AGFG1: variants seen among roughly 807,000 people sequenced by gnomAD.
AGFG1 encodes the protein arf-GAP domain and FG repeat-containing protein 1.
A neutral mutation model predicts 60.6 loss-of-function variants in AGFG1; 10 were observed. The ratio of observed to expected loss-of-function variants is 0.16; its 90% CI spans 0.10 to 0.28. The LOEUF (loss-of-function observed/expected upper bound fraction) is 0.28. Ranked by LOEUF, AGFG1 falls within the 10% of genes least tolerant of loss-of-function variation. The probability of loss-of-function intolerance (pLI) is 1.00; values close to 1 mark genes in which losing one functional copy is unlikely to be tolerated. For synonymous variants in AGFG1, 247 were observed against 242.9 expected, an observed-to-expected ratio of 1.02 and a Z score of -0.16; for missense variants, 537 against 676.5, an observed-to-expected ratio of 0.79 and a Z score of 2.29.
chr2:227,522,198 A>T (rs1024333354), intron 3 of AGFG1, among the ~76,000 whole-genome samples: 1 of 152,222 alleles, frequency 6.6e-6, no homozygotes, highest in Admixed American at 6.5e-5. Context: ...AAAATAGATT[A>T]AAATACACCA....
In AGFG1 at chr2:227,554,708, G is replaced by T; in HGVS notation, c.*213G>T. ...CTGTGAATTGGCAGAAAAGGGTAGC[G>T]GTATCATGTATATTAAAATTGGCTA... On this transcript the variant is annotated 3_prime_UTR_variant, in exon 13 of 13. Coordinates refer to ENST00000310078, the MANE Select transcript of AGFG1 (RefSeq NM_004504.5). 4.5e-6 allele frequency: 2 copies of T among 445,102 alleles called. No homozygotes were observed. Among genetic ancestry groups the T allele is most frequent in the Non-Finnish European group, 8.0e-6 (2 of 250,386 alleles). The allele number at this position is 445,102 out of a possible 1,614,324, so 27.6% of individuals were successfully genotyped here. A position where few individuals can be genotyped will look rare whatever the true frequency, so the allele number is the denominator to read the frequency against.
intron 3 of AGFG1, among the ~76,000 whole-genome samples, chr2:227,521,096 G>A (rs1031769810): frequency 1.3e-5 from 2 of 151,264 alleles, no homozygotes; most frequent in African/African-American, 4.9e-5. Flanking sequence ...ACTGAGTTTT[G>A]CTTTTGTCAC....
chr2:227,521,117 G>T (rs1352699309), intron 3 of AGFG1, among the ~76,000 whole-genome samples: 1 of 151,982 alleles, frequency 6.6e-6, no homozygotes, highest in African/African-American at 2.4e-5. Flanking sequence ...CTAGGCTGGA[G>T]TGCAATGGTG....
intron 3 of AGFG1, among the ~76,000 whole-genome samples, chr2:227,522,677 G>A (rs576036959): frequency 6.6e-6 from 1 of 152,172 alleles, no homozygotes; most frequent in South Asian, 2.1e-4. Flanking sequence ...CTTGTCTCTG[G>A]AACAGGTGCT....
chr2:227,526,374 A>G (rs1054151188), intron 5 of AGFG1, among the ~76,000 whole-genome samples: 1 of 146,700 alleles, frequency 6.8e-6, no homozygotes, highest in African/African-American at 2.6e-5. Context: ...TACAAATGTA[A>G]AATTTTGTAT....
At chr2:227,500,735 T>C (rs1039691901) in intron 2 of AGFG1, among the ~76,000 whole-genome samples, 3 of 152,208 alleles carry the variant, frequency 2.0e-5, no homozygotes, top group African/African-American at 7.2e-5. Context: ...TAGTTCACAT[T>C]ACTTGTATAA....
chr2:227,479,226 G>A (rs142064644), intron 1 of AGFG1, among the ~76,000 whole-genome samples: 20 of 152,308 alleles, frequency 1.3e-4, no homozygotes, highest in African/African-American at 4.3e-4. Flanking sequence ...GAAAACTCCA[G>A]CATTCAGGTT....
Position 227,549,975 on chromosome 2 carries a change from T to C in AGFG1, c.1379-1984T>C. 7.3e-6 allele frequency: 3 copies of C among 411,582 alleles called. 1 individual carries two copies. The highest frequency in any genetic ancestry group is 3.7e-5 in the South Asian group (2 of 54,754). The allele number at this position is 411,582 out of a possible 1,614,324, so 25.5% of individuals were successfully genotyped here. Reference sequence around the variant, plus strand: ...AACAGTACACTCGAATTTTATAACTTTTTAATGAAACAAGTATACTTTTAT... The same window carrying C: ...AACAGTACACTCGAATTTTATAACTCTTTAATGAAACAAGTATACTTTTAT... On this transcript the variant is annotated intron_variant, in intron 10 of 12. Transcript: ENST00000310078.
At position 227,523,752 on chromosome 2, in the gene AGFG1, A is replaced by G. The variant is rs771659381; in HGVS notation, c.378-11A>G. ...ATTTTTTTTTAGTTAACTGTTTTTTACATGTTTTAGGTATGTCCCGCCAGA... is the reference window on the plus strand; with the variant it reads ...ATTTTTTTTTAGTTAACTGTTTTTTGCATGTTTTAGGTATGTCCCGCCAGA... On this transcript the variant is annotated splice_polypyrimidine_tract_variant and intron_variant, in intron 3 of 12. Transcript: ENST00000310078. The G allele has an allele frequency of 6.3e-7, 1 of 1,592,448 alleles. No individual in the cohort carries two copies. Among genetic ancestry groups the G allele is most frequent in the East Asian group, 2.2e-5 (1 of 44,538 alleles).
chr2:227,554,572 GT>G lies in AGFG1; in HGVS notation c.*80del. ...TCTCCACCTCTTGCACTGTTGTCTTGTTTCACTGATCTTAGCTTTAAACACA... is the reference window on the plus strand; with the variant it reads ...TCTCCACCTCTTGCACTGTTGTCTTGTTCACTGATCTTAGCTTTAAACACA... On this transcript the variant is annotated 3_prime_UTR_variant, in exon 13 of 13. Transcript: ENST00000310078. The G allele has an allele frequency of 8.2e-7, 1 of 1,220,876 alleles. No individual in the cohort carries two copies. Among genetic ancestry groups the G allele is most frequent in the East Asian group, 2.4e-5 (1 of 42,250 alleles). The allele number at this position is 1,220,876 out of a possible 1,614,324, so 75.6% of individuals were successfully genotyped here. A position where few individuals can be genotyped will look rare whatever the true frequency, so the allele number is the denominator to read the frequency against.
intron 10 of AGFG1, among the ~76,000 whole-genome samples, chr2:227,545,227 C>A (rs1355966350): frequency 6.6e-6 from 1 of 152,132 alleles, no homozygotes; most frequent in East Asian, 1.9e-4. Context: ...GTCACTGGTA[C>A]CCTTTCTTCC....
intron 1 of AGFG1, among the ~76,000 whole-genome samples, chr2:227,478,277 C>T (rs1473905863): frequency 5.3e-5 from 8 of 149,996 alleles, no homozygotes; most frequent in Admixed American, 5.3e-4. Context: ...CATACATATA[C>T]ATGTATCTAT....
At chr2:227,488,050 C>G (rs1270305690) in intron 1 of AGFG1, among the ~76,000 whole-genome samples, 1 of 152,188 alleles carries the variant, frequency 6.6e-6, no homozygotes, top group Non-Finnish European at 1.5e-5. Context: ...GTAAAATTGT[C>G]TGCCATTTTG....
At chr2:227,476,496 A>T (rs1027706725) in intron 1 of AGFG1, among the ~76,000 whole-genome samples, 1 of 152,232 alleles carries the variant, frequency 6.6e-6, no homozygotes, top group Non-Finnish European at 1.5e-5. Context: ...ATAAAAAATA[A>T]CATTTGAGAA....
At chr2:227,550,095 A>G (rs1478166185) in intron 10 of AGFG1, 1 of 442,554 alleles carries the variant, frequency 2.3e-6, no homozygotes, top group Non-Finnish European at 4.6e-6. Flanking sequence ...GTGTTTCCTC[A>G]CGCTCATTTT....
intron 10 of AGFG1, among the ~76,000 whole-genome samples, chr2:227,540,222 C>A (rs1186519995): frequency 1.4e-5 from 2 of 142,624 alleles, no homozygotes; most frequent in Middle Eastern, 3.5e-3. Flanking sequence ...ACTTTAAGTT[C>A]TAGAGTACAT....
chr2:227,505,766 T>G (rs1350459963), intron 2 of AGFG1, among the ~76,000 whole-genome samples: 1 of 152,100 alleles, frequency 6.6e-6, no homozygotes, highest in Non-Finnish European at 1.5e-5. Flanking sequence ...TGAGACGGAG[T>G]CTTATTCTGT....
chr2:227,546,034 C>T (rs540423565), intron 10 of AGFG1, among the ~76,000 whole-genome samples: 1 of 152,290 alleles, frequency 6.6e-6, no homozygotes, highest in Admixed American at 6.5e-5. Context: ...CAGACAGAGA[C>T]GTTTAAGTCT....
intron 11 of AGFG1, among the ~76,000 whole-genome samples, chr2:227,552,857 C>T (rs1012352894): frequency 6.6e-6 from 1 of 151,528 alleles, no homozygotes; most frequent in Non-Finnish European, 1.5e-5. Flanking sequence ...CAAAATTAGC[C>T]AGGCGTGGTG....
Sources: gnomAD v4.1 joint callset for allele counts (sites outside exome capture counted in the v4.1 genomes callset) on GRCh38, gnomAD v4.1.1 for gene constraint, MANE v1.5 for transcripts, NCBI Gene and HGNC (gene_info 2026-07-23, HGNC 2026-07-21) for gene names.